The following ADAM32 variants were observed in gnomAD, a reference collection of about 807,000 sequenced individuals.
ADAM32 encodes disintegrin and metalloproteinase domain-containing protein 32.
In ADAM32, 89 loss-of-function variants were observed where a neutral mutation model predicts 114.9. The ratio of observed to expected loss-of-function variants is 0.77; its 90% CI spans 0.65 to 0.92. The LOEUF is 0.92. Ranked by LOEUF, ADAM32 falls within the 40% of genes least tolerant of loss-of-function variation. The pLI, the probability that ADAM32 is intolerant of heterozygous loss-of-function variation, is 0.00. For missense variants in ADAM32, 870 were observed against 932.8 expected (o/e 0.93, Z 0.88); for synonymous variants, 285 against 307.5 (o/e 0.93, Z 0.77).
At chr8:39,121,636 T>C (rs1840595856) in intron 2 of ADAM32, among the ~76,000 whole-genome samples, 1 of 152,064 alleles carries the variant, frequency 6.6e-6, no homozygotes, top group African/African-American at 2.4e-5. Flanking sequence ...CTGAAAGCAA[T>C]TCAGAGATCA....
At chr8:39,281,222 C>T (rs1393422840) in intron 23 of ADAM32, 48 bp downstream of exon 23, 2 of 1,180,062 alleles carry the variant, frequency 1.7e-6, no homozygotes, top group Non-Finnish European at 2.2e-6. Context: ...GTTGAAAATT[C>T]AGAATGAAAA....
intron 3 of ADAM32, among the ~76,000 whole-genome samples, chr8:39,139,992 T>C (rs1165342079): frequency 5.9e-5 from 9 of 152,204 alleles, no homozygotes; most frequent in Admixed American, 2.0e-4. Context: ...CATTGGTATA[T>C]AGGAATGCTT....
intron 10 of ADAM32, among the ~76,000 whole-genome samples, chr8:39,177,095 T>C (rs1229154299): frequency 6.6e-6 from 1 of 151,744 alleles, no homozygotes; most frequent in Non-Finnish European, 1.5e-5. Flanking sequence ...AGTCTCACTC[T>C]GTTGCCCAGG....
At position 39,137,494 on chromosome 8, in the gene ADAM32, G is replaced by A. The variant is rs139131889; in HGVS notation, c.200+776G>A. Among the ~76,000 whole-genome samples the A allele has an allele frequency of 8.4e-3, 1,281 of 152,158 alleles. 63 individuals are homozygous for A. The highest frequency in any genetic ancestry group is 0.07 in the Admixed American group (1,067 of 15,290). On this transcript the variant is annotated intron_variant, in intron 3 of 24. Transcript: ENST00000379907. ...TGAAAGATGTAAACAAGCTGGGCGC[G>A]GTGGCTTTCGTCTGTAATCCCAGCA...
At chr8:39,277,910 G>A (rs538207364) in intron 22 of ADAM32, among the ~76,000 whole-genome samples, 7 of 152,172 alleles carry the variant, frequency 4.6e-5, no homozygotes, top group African/African-American at 9.7e-5. Flanking sequence ...CAAGTGAGGC[G>A]GCTGATCTCC....
chr8:39,191,800 G>T (rs1806631964), intron 11 of ADAM32, among the ~76,000 whole-genome samples: 1 of 152,022 alleles, frequency 6.6e-6, no homozygotes, highest in Non-Finnish European at 1.5e-5. Context: ...ATTGCTTTTG[G>T]AGTCTTCATC....
At chr8:39,191,461 G>A (rs1345413539) in intron 11 of ADAM32, among the ~76,000 whole-genome samples, 14 of 152,162 alleles carry the variant, frequency 9.2e-5, no homozygotes, top group African/African-American at 1.7e-4. Flanking sequence ...GGTATGAGAC[G>A]GTATCTCATT....
At chr8:39,221,894 C>T (rs749932201) in intron 13 of ADAM32, among the ~76,000 whole-genome samples, 192 bp downstream of exon 13, 2 of 151,930 alleles carry the variant, frequency 1.3e-5, no homozygotes, top group Non-Finnish European at 2.9e-5. Context: ...AATATTTTCA[C>T]TAAGTTGATG....
chr8:39,107,683 G>C (rs944977680), upstream of ADAM32: 2 of 1,540,804 alleles, frequency 1.3e-6, no homozygotes, highest in Admixed American at 4.0e-5. Context: ...CCATGAACGT[G>C]CGGGGAGCGG....
chr8:39,145,346 C>T (rs1222343193), intron 3 of ADAM32, among the ~76,000 whole-genome samples: 2 of 152,060 alleles, frequency 1.3e-5, no homozygotes, highest in African/African-American at 2.4e-5. Flanking sequence ...CACTACTGAA[C>T]AAAAAGAACA....
intron 11 of ADAM32, among the ~76,000 whole-genome samples, chr8:39,195,221 A>C (rs1806895437): frequency 6.6e-6 from 1 of 152,086 alleles, no homozygotes; most frequent in South Asian, 2.1e-4. Flanking sequence ...TCAGTGGCAG[A>C]TGTTATTCCT....
chr8:39,229,457 C>T (rs1034384493), intron 14 of ADAM32, among the ~76,000 whole-genome samples: 4 of 151,994 alleles, frequency 2.6e-5, no homozygotes, highest in Admixed American at 6.6e-5. Flanking sequence ...AGGAGACTCA[C>T]CTAACACATA....
chr8:39,203,829 G>T (rs1807615107), intron 11 of ADAM32, among the ~76,000 whole-genome samples: 1 of 152,118 alleles, frequency 6.6e-6, no homozygotes, highest in African/African-American at 2.4e-5. Context: ...CAGGCCTGGT[G>T]GTGACAAAAT....
chr8:39,253,753 A>G (rs548611378), intron 17 of ADAM32, among the ~76,000 whole-genome samples: 1 of 151,818 alleles, frequency 6.6e-6, no homozygotes, highest in African/African-American at 2.4e-5. Flanking sequence ...TGAAACATGA[A>G]AAAAAGTAAA....
intron 2 of ADAM32, among the ~76,000 whole-genome samples, chr8:39,131,147 G>C (rs1802429912): frequency 6.6e-6 from 1 of 151,826 alleles, no homozygotes; most frequent in East Asian, 1.9e-4. Flanking sequence ...TAGTAGAGAG[G>C]GGATTTCACC....
chr8:39,139,434 C>T lies in ADAM32; in HGVS notation c.200+2716C>T, dbSNP rs185112976. Among the ~76,000 whole-genome samples, 7 of 152,252 alleles carry T rather than the reference C, an allele frequency of 4.6e-5. No homozygotes were observed. The East Asian group carries it at 1.4e-3, about 29-fold the overall frequency. On this transcript the variant is annotated intron_variant, in intron 3 of 24. Coordinates refer to ENST00000379907, the MANE Select transcript of ADAM32 (RefSeq NM_145004.7). ...CAGCACCATTTATTAAATAGGGAAT[C>T]CTTTCCCCATTTCTTGTTTTTGTCA...
At chr8:39,167,646 C>T (rs1804926264) in intron 9 of ADAM32, 1 of 152,044 alleles carries the variant, frequency 6.6e-6, no homozygotes, top group Admixed American at 6.6e-5. Flanking sequence ...ATCATTTTCA[C>T]AATATTGATT....
chr8:39,169,944 G>A lies in ADAM32; in HGVS notation c.862G>A (p.Ala288Thr). 1 of 1,599,704 alleles carries A rather than the reference G, an allele frequency of 6.3e-7. No homozygotes were observed. Among genetic ancestry groups the A allele is most frequent in the Non-Finnish European group, 8.5e-7 (1 of 1,170,626 alleles). The change falls in exon 10 of 25, where the codon GCA becomes ACA. Residue 288 changes from alanine (A) to threonine (T), a missense_variant. Physicochemically the swap from Ala to Thr is moderately conservative, Grantham distance 58. Transcript: ENST00000379907. Reference protein sequence around the residue: ...IYMDYPRYLGAVFPGTMCITR... With the variant: ...IYMDYPRYLGTVFPGTMCITR... Reference sequence around the variant, plus strand: ...TATGGATTATCCTCGTTATTTGGGAGCAGTGTTTCCTGGAACAATGTGTAT... The same window carrying A: ...TATGGATTATCCTCGTTATTTGGGAACAGTGTTTCCTGGAACAATGTGTAT...
At chr8:39,231,938 G>A (rs185638568) in intron 14 of ADAM32, 89 bp from the exon 15 acceptor site, 580 of 1,042,576 alleles carry the variant, frequency 5.6e-4, no homozygotes, top group Non-Finnish European at 7.2e-4. Flanking sequence ...GATATTAATG[G>A]AGAGATAAAG....
Sources: allele counts gnomAD v4.1 joint callset (sites outside exome capture counted in the v4.1 genomes callset), GRCh38; gene constraint gnomAD v4.1.1; transcripts MANE v1.5; gene names NCBI Gene and HGNC (gene_info 2026-07-23, HGNC 2026-07-21).